Variants in WDR97 observed in about 807,000 individuals in gnomAD.
The protein encoded by WDR97 is WD repeat-containing protein 97.
A neutral mutation model predicts 65.4 loss-of-function variants in WDR97; 111 were observed. That is an observed-to-expected ratio of 1.70 (90% CI 1.45 to 1.99). WDR97 has a LOEUF of 1.99. Ranked by LOEUF, WDR97 falls within the 30% of genes most tolerant of loss-of-function variation. The pLI, the probability that WDR97 is intolerant of heterozygous loss-of-function variation, is 0.00. For missense variants in WDR97, 1,674 were observed against 865.0 expected (o/e 1.94, Z -11.73); for synonymous variants, 802 against 397.7 (o/e 2.02, Z -12.10).
At position 144,108,808 on chromosome 8, in the gene WDR97, A is replaced by G. The variant is rs1236211852; in HGVS notation, c.742A>G (p.Arg248Gly). 1.4e-6 allele frequency: 1 copy of G among 702,690 alleles called. No individual in the cohort carries two copies. The highest frequency in any genetic ancestry group is 2.0e-5 in the Admixed American group (1 of 50,012). The allele number at this position is 702,690 out of a possible 1,614,324, so 43.5% of individuals were successfully genotyped here. The part of the protein sequence containing the change: ...ALHPPPSPTG[R>G]LMRLAVAPVP... Reference sequence around the variant, plus strand: ...GCACCCGCCCCCGAGCCCAACAGGCAGGCTCATGCGTCTGGCTGTGGCGCC... The same window carrying G: ...GCACCCGCCCCCGAGCCCAACAGGCGGGCTCATGCGTCTGGCTGTGGCGCC... The change falls in exon 3 of 24, where the codon AGG becomes GGG. Residue 248 changes from arginine to glycine, a missense_variant. By Grantham distance (125) the Arg-to-Gly change is moderately radical. Transcript: ENST00000323662.
chr8:144,110,783 C>T (rs1268065357), intron 8 of WDR97, 44 bp downstream of exon 8: 3 of 702,510 alleles, frequency 4.3e-6, no homozygotes. Flanking sequence ...TACCTCTGCT[C>T]CTCACCAGAG....
chr8:144,115,647 CCCGGAGAGCCGCCG>C lies in WDR97; in HGVS notation c.4388_4401del (p.Gly1463AlafsTer25). 1.4e-6 allele frequency: 1 copy of C among 692,474 alleles called. No individual in the cohort carries two copies. Among genetic ancestry groups the C allele is most frequent in the South Asian group, 1.5e-5 (1 of 66,506 alleles). The allele number at this position is 692,474 out of a possible 1,614,324, so 42.9% of individuals were successfully genotyped here. A position where few individuals can be genotyped will look rare whatever the true frequency, so the allele number is the denominator to read the frequency against. The stretch of plus-strand genomic sequence containing the variant: ...GCACCCTGCCGGGCCTGCTCAGCTG[CCCGGAGAGCCGCCG>C]CCGCTGGAGGAGACCGACTGGTCGC... On this transcript the variant is annotated frameshift_variant, in exon 22 of 24. Coordinates refer to ENST00000323662, the MANE Select transcript of WDR97 (RefSeq NM_001316309.2). LOFTEE classifies it high-confidence loss of function.
In WDR97 at chr8:144,114,518, G is replaced by A. The variant is rs532721651; in HGVS notation, c.3793-36G>A. The A allele has an allele frequency of 5.3e-5, 37 of 698,760 alleles. No individual in the cohort carries two copies. Among genetic ancestry groups the A allele is most frequent in the South Asian group, 1.8e-4 (12 of 67,422 alleles). 43.3% of individuals were successfully genotyped at this position (698,760 alleles called of 1,614,324 possible). On this transcript the variant is annotated intron_variant, in intron 19 of 23. Coordinates refer to ENST00000323662, the MANE Select transcript of WDR97 (RefSeq NM_001316309.2). ...CCCCCAGTTTTCCTCCCCGCCCACC[G>A]GCCCTCAGCAACCACATCCCCACCG...
chr8:144,108,021 A>G, intron 1 of WDR97, 38 bp from the exon 2 acceptor site: 1 of 702,622 alleles, frequency 1.4e-6, no homozygotes. Context: ...CGAGGACCTG[A>G]GGCTGTAGGT....
At chr8:144,113,032 C>G in intron 15 of WDR97, 1 of 324,822 alleles carries the variant, frequency 3.1e-6, no homozygotes, top group South Asian at 4.6e-5. Context: ...GGGTAATTGA[C>G]TCTTTGGGCC....
rs751218639 is a variant in WDR97, at chr8:144,116,201, A to ATGCCCCCGCGCCCGC, written c.4788_4802dup (p.Pro1597_Arg1601dup). The ATGCCCCCGCGCCCGC allele has an allele frequency of 2.9e-6, 2 of 695,278 alleles. No individual in the cohort carries two copies. The highest frequency in any genetic ancestry group is 2.0e-5 in the Admixed American group (1 of 48,824). The allele number at this position is 695,278 out of a possible 1,614,324, so 43.1% of individuals were successfully genotyped here. A position where few individuals can be genotyped will look rare whatever the true frequency, so the allele number is the denominator to read the frequency against. On this transcript the variant is annotated inframe_insertion, in exon 24 of 24. Transcript: ENST00000323662. ...GCAGCCTTTCCCCCTGGACTGGCCTATGCCCCCGCGCCCGCTGCCCCCGCG... is the reference window on the plus strand; with the variant it reads ...GCAGCCTTTCCCCCTGGACTGGCCTATGCCCCCGCGCCCGCTGCCCCCGCGCCCGCTGCCCCCGCG...
intron 10 of WDR97, 41 bp from the exon 11 acceptor site, chr8:144,111,385 A>G: frequency 2.8e-6 from 2 of 702,740 alleles, no homozygotes; most frequent in East Asian, 2.7e-5. Context: ...GCCCACTGGC[A>G]TGCCACCCAG....
chr8:144,115,545 T>C lies in WDR97; in HGVS notation c.4282T>C (p.Trp1428Arg). The stretch of plus-strand genomic sequence containing the variant: ...GCGGATGCTGGCACCCAAGCGCAGC[T>C]GGGGGACCCCTCAGCTCCGTCTCAG... ...AQRMLAPKRS[W>R]GTPQLRLRVL... is the part of the protein sequence containing the mutation. Residue 1428 changes from tryptophan to arginine, a missense_variant, in exon 22 of 24, where the codon TGG becomes CGG. Trp to Arg is a moderately radical substitution (Grantham distance 101, BLOSUM62 -3). Coordinates refer to ENST00000323662, the MANE Select transcript of WDR97 (RefSeq NM_001316309.2). 1 of 697,110 alleles carries C rather than the reference T, an allele frequency of 1.4e-6. No individual in the cohort carries two copies. The highest frequency in any genetic ancestry group is 1.5e-5 in the South Asian group (1 of 67,312). The allele number at this position is 697,110 out of a possible 1,614,324, so 43.2% of individuals were successfully genotyped here. A position where few individuals can be genotyped will look rare whatever the true frequency, so the allele number is the denominator to read the frequency against.
rs1025079879 is a variant in WDR97, at chr8:144,108,258, C to T, written c.250-58C>T. The T allele has an allele frequency of 3.3e-5, 23 of 694,108 alleles. 1 individual carries two copies. Among genetic ancestry groups the T allele is most frequent in the South Asian group, 1.8e-4 (12 of 66,858 alleles). 43.0% of individuals were successfully genotyped at this position (694,108 alleles called of 1,614,324 possible). On this transcript the variant is annotated intron_variant, in intron 2 of 23. Transcript: ENST00000323662. ...CGGATCTGGGCCTTCCCTTAGGGGT[C>T]CCCTAGGCCGGAGTAGCCCCAACCT...
rs954056654 is a variant in WDR97 at position 144,113,875 on chromosome 8, G to A, written c.3402G>A (p.Glu1134=). 1 of 692,672 alleles carries A rather than the reference G, an allele frequency of 1.4e-6. No individual in the cohort carries two copies. The highest frequency in any genetic ancestry group is 1.8e-5 in the African/African-American group (1 of 57,120). 42.9% of individuals were successfully genotyped at this position (692,672 alleles called of 1,614,324 possible). A position where few individuals can be genotyped will look rare whatever the true frequency, so the allele number is the denominator to read the frequency against. ...SNQQLDSWEL[E]DQSAVDWTQE... is the part of the protein sequence containing the mutation. ...AGCAGCTGGATTCCTGGGAACTGGA[G>A]GATCAGGTAGAGGCTCAGGCAGAGG... The change falls in exon 17 of 24, where the codon GAG becomes GAA. Residue 1134 remains glutamate, a synonymous_variant. Transcript: ENST00000323662.
In WDR97 at chr8:144,114,741, T is replaced by C. The variant is rs1352250079; in HGVS notation, c.3915-8T>C. The stretch of plus-strand genomic sequence containing the variant: ...GGCCTCTGGACAAGCCACATGCACC[T>C]GTCCCAGGCCAGAGCTCAAGAAGCT... On this transcript the variant is annotated splice_region_variant and splice_polypyrimidine_tract_variant and intron_variant, in intron 20 of 23. Coordinates refer to ENST00000323662, the MANE Select transcript of WDR97 (RefSeq NM_001316309.2). 1.4e-6 allele frequency: 1 copy of C among 702,034 alleles called. No individual in the cohort carries two copies. Among genetic ancestry groups the C allele is most frequent in the Admixed American group, 2.0e-5 (1 of 49,974 alleles). 43.5% of individuals were successfully genotyped at this position (702,034 alleles called of 1,614,324 possible).
chr8:144,115,445 G>C lies in WDR97; in HGVS notation c.4182G>C (p.Ser1394=), dbSNP rs772438007. 1.5e-6 allele frequency: 1 copy of C among 689,054 alleles called. No individual in the cohort carries two copies. Among genetic ancestry groups the C allele is most frequent in the South Asian group, 1.5e-5 (1 of 66,944 alleles). The allele number at this position is 689,054 out of a possible 1,614,324, so 42.7% of individuals were successfully genotyped here. The change falls in exon 22 of 24, where the codon TCG becomes TCC. Residue 1394 remains serine, a synonymous_variant. Transcript: ENST00000323662. ...CCTCCGGCATCTTCGGGAGGCTCTC[G>C]CAGGTCTCAGAGGTGCCTTTGATGG... ...WSASGIFGRL[S]QVSEVPLMVV... is the part of the protein sequence containing the mutation.
Position 144,116,105 on chromosome 8 carries a change from C to CG in WDR97, c.4683dup (p.Leu1562AlafsTer58), listed in dbSNP as rs1306568472. The CG allele has an allele frequency of 5.8e-6, 4 of 695,594 alleles. No individual in the cohort carries two copies. In the East Asian group the frequency reaches 1.1e-4, roughly 19 times the overall value. The allele number at this position is 695,594 out of a possible 1,614,324, so 43.1% of individuals were successfully genotyped here. ...CCCGCCCCCAGGCCCCATGCGGTCC[C>CG]GGCTCTGTGCGGGCCGCACCCTGGA... On this transcript the variant is annotated frameshift_variant, in exon 24 of 24. Coordinates refer to ENST00000323662, the MANE Select transcript of WDR97 (RefSeq NM_001316309.2). LOFTEE classifies it low-confidence loss of function (END_TRUNC).
In WDR97 at chr8:144,109,751, C is replaced by A; in HGVS notation, c.1417C>A (p.Pro473Thr). Residue 473 changes from proline to threonine, a missense_variant, in exon 5 of 24, where the codon CCG becomes ACG. Coordinates refer to ENST00000323662, the MANE Select transcript of WDR97 (RefSeq NM_001316309.2). ...GRIVSSLLLE[P>T]EDCAAAVAYC... The stretch of plus-strand genomic sequence containing the variant: ...CATAGTGAGCTCACTGCTGCTGGAG[C>A]CGGAGGACTGCGCGGCAGCCGTGGC... 1.5e-6 allele frequency: 1 copy of A among 680,380 alleles called. No homozygotes were observed. The highest frequency in any genetic ancestry group is 2.7e-6 in the Non-Finnish European group (1 of 376,242). 42.1% of individuals were successfully genotyped at this position (680,380 alleles called of 1,614,324 possible).
At position 144,114,610 on chromosome 8, in the gene WDR97, C is replaced by T. The variant is rs756998195; in HGVS notation, c.3849C>T (p.Ser1283=). The T allele has an allele frequency of 5.3e-5, 37 of 702,814 alleles. No individual in the cohort carries two copies. The highest frequency in any genetic ancestry group is 8.1e-5 in the Non-Finnish European group (31 of 385,012). The allele number at this position is 702,814 out of a possible 1,614,324, so 43.5% of individuals were successfully genotyped here. Residue 1283 remains serine (S), a synonymous_variant, in exon 20 of 24, where the codon TCC becomes TCT. Transcript: ENST00000323662. ...CGCTGCAGCTGCTCCTGGCCTGCTC[C>T]CTGGAGTCCCGGGATGTGGTGCTGG... is the stretch of plus-strand genomic sequence containing the variant. ...ILALQLLLAC[S]LESRDVVLEL... is the part of the protein sequence containing the mutation.
At position 144,115,761 on chromosome 8, in the gene WDR97, A is replaced by G. The variant is rs1167241555; in HGVS notation, c.4498A>G (p.Ser1500Gly). The G allele has an allele frequency of 4.3e-6, 3 of 700,158 alleles. No homozygotes were observed. The East Asian group carries it at 8.1e-5, about 19-fold the overall frequency. The allele number at this position is 700,158 out of a possible 1,614,324, so 43.4% of individuals were successfully genotyped here. The change falls in exon 22 of 24, where the codon AGT becomes GGT. Residue 1500 changes from serine (S) to glycine (G), a missense_variant. By Grantham distance (56) the Ser-to-Gly change is moderately conservative. Transcript: ENST00000323662. Reference sequence around the variant, plus strand: ...TGAGCAGCTGCGGGCGCAGCAGCGGAGTTCGCTCCAGGAGAAGGCTGCGCA... The same window carrying G: ...TGAGCAGCTGCGGGCGCAGCAGCGGGGTTCGCTCCAGGAGAAGGCTGCGCA... ...FCEQLRAQQR[S>G]SLQEKAAHPH...
rs1474117179 is a variant in WDR97 at position 144,113,695 on chromosome 8, C to T, written c.3222C>T (p.Pro1074=). The change falls in exon 17 of 24, where the codon CCC becomes CCT. Residue 1074 remains proline, a synonymous_variant. Coordinates refer to ENST00000323662, the MANE Select transcript of WDR97 (RefSeq NM_001316309.2). ...AGGATGCCCTGTGGTTGTGGCGCCC[C>T]AGGCCATCCCAAACCCAGTGGCAGA... ...ASQDALWLWR[P]RPSQTQWQRK... 4 of 675,758 alleles carry T rather than the reference C, an allele frequency of 5.9e-6. No individual in the cohort carries two copies. The highest frequency in any genetic ancestry group is 5.4e-6 in the Non-Finnish European group (2 of 369,162). 41.9% of individuals were successfully genotyped at this position (675,758 alleles called of 1,614,324 possible).
intron 8 of WDR97, 27 bp from the exon 9 acceptor site, chr8:144,110,837 C>A: frequency 1.4e-6 from 1 of 702,574 alleles, no homozygotes; most frequent in South Asian, 1.5e-5. Flanking sequence ...CCCTGCTGAG[C>A]CTCGGCTGCC....
chr8:144,110,870 G>C lies in WDR97; in HGVS notation c.2178G>C (p.Leu726=). The part of the protein sequence containing the change: ...WTAENRLLRL[L]QLNGAPQALA... ...GCCCTGGGTGCCTCTCCAGGCTCCT[G>C]CAGCTGAATGGTGCCCCTCAGGCCC... Residue 726 remains leucine (L), a synonymous_variant, in exon 9 of 24, where the codon CTG becomes CTC. Coordinates refer to ENST00000323662, the MANE Select transcript of WDR97 (RefSeq NM_001316309.2). The C allele has an allele frequency of 1.4e-6, 1 of 702,890 alleles. No individual in the cohort carries two copies. Among genetic ancestry groups the C allele is most frequent in the Non-Finnish European group, 2.6e-6 (1 of 384,968 alleles). 43.5% of individuals were successfully genotyped at this position (702,890 alleles called of 1,614,324 possible). A position where few individuals can be genotyped will look rare whatever the true frequency, so the allele number is the denominator to read the frequency against.
Sources: allele counts gnomAD v4.1 joint callset, GRCh38; gene constraint gnomAD v4.1.1; transcripts MANE v1.5; gene names NCBI Gene and HGNC (gene_info 2026-07-23, HGNC 2026-07-21).